Variants in CCDC171 observed in about 807,000 individuals in gnomAD.
The protein encoded by CCDC171 is coiled-coil domain containing 171.
A neutral mutation model predicts 168.2 loss-of-function variants in CCDC171; 177 were observed. The observed-to-expected ratio is 1.05, with a 90% CI of 0.93 to 1.19. The LOEUF (loss-of-function observed/expected upper bound fraction) is 1.19, where lower values mean the gene tolerates loss of function less well. Among genes scored for constraint, CCDC171 ranks in the 50% most tolerant of loss-of-function variants. The pLI, the probability that CCDC171 is intolerant of heterozygous loss-of-function variation, is 0.00. For synonymous variants in CCDC171, 687 were observed against 540.8 expected, an observed-to-expected ratio of 1.27 and a Z score of -3.75; for missense variants, 1,991 against 1,539.0, an observed-to-expected ratio of 1.29 and a Z score of -4.91.
chr9:15,885,046 A>G (rs1819204863), intron 24 of CCDC171, among the ~76,000 whole-genome samples: 1 of 152,184 alleles, frequency 6.6e-6, no homozygotes, highest in African/African-American at 2.4e-5. Context: ...GCCATATACT[A>G]CTATTTAAAT....
chr9:16,046,032 T>A (rs1188776096), intron 1 of CCDC171, among the ~76,000 whole-genome samples: 2 of 152,024 alleles, frequency 1.3e-5, no homozygotes, highest in Non-Finnish European at 2.9e-5. Context: ...GTGACAGAAG[T>A]CTTATTAACC....
intron 16 of CCDC171, among the ~76,000 whole-genome samples, chr9:15,732,033 A>G (rs2054183885): frequency 6.6e-6 from 1 of 152,100 alleles, no homozygotes; most frequent in South Asian, 2.1e-4. Flanking sequence ...CATTTAAAAA[A>G]TAGAGATATT....
intron 7 of CCDC171, among the ~76,000 whole-genome samples, chr9:15,635,688 C>T (rs759383996): frequency 2.6e-5 from 4 of 152,186 alleles, no homozygotes; most frequent in Non-Finnish European, 4.4e-5. Context: ...AGTTGACACT[C>T]GGTATTAACC....
chr9:16,077,787 T>C, the CCDC171 span, among the ~76,000 whole-genome samples: 3 of 152,340 alleles, frequency 2.0e-5, no homozygotes, highest in African/African-American at 7.2e-5. Flanking sequence ...CTGCATTCCC[T>C]GAACAGGGTT....
chr9:15,993,509 A>G (rs1433289850), intron 3 of CCDC171, among the ~76,000 whole-genome samples: 1 of 152,246 alleles, frequency 6.6e-6, no homozygotes, highest in Non-Finnish European at 1.5e-5. Context: ...AAACCTAGGC[A>G]GTACCATTCA....
chr9:15,642,204 A>AGT (rs2046666647), intron 7 of CCDC171, among the ~76,000 whole-genome samples: 2 of 151,632 alleles, frequency 1.3e-5, no homozygotes, highest in African/African-American at 4.9e-5. Flanking sequence ...TATAGTACAT[A>AGT]ATACAGTGTA....
chr9:15,556,425 C>T (rs971416897), intron 1 of CCDC171, among the ~76,000 whole-genome samples: 6 of 152,058 alleles, frequency 3.9e-5, no homozygotes, highest in Non-Finnish European at 8.8e-5. Flanking sequence ...TTTTAATGAT[C>T]GCCATTCTAA....
At position 16,051,513 on chromosome 9, in the gene CCDC171, G is replaced by A. The variant is rs139200428; in HGVS notation, n.89+8627G>A. On this transcript the variant is annotated intron_variant and non_coding_transcript_variant, in intron 1 of 1. Coordinates refer to the CCDC171 transcript ENST00000478913. ...TCTACTTGCCAGCCCCTCCTTAACCGTTGTGGCCCAAACACTCCCTGCTGT... is the reference window on the plus strand; with the variant it reads ...TCTACTTGCCAGCCCCTCCTTAACCATTGTGGCCCAAACACTCCCTGCTGT... 1.7e-3 allele frequency among the ~76,000 whole-genome samples: 264 copies of A among 152,214 alleles called. 2 individuals are homozygous for A. Among genetic ancestry groups the A allele is most frequent in the African/African-American group, 5.9e-3 (247 of 41,530 alleles).
chr9:15,576,083 CTCTG>C (rs2040630479), intron 3 of CCDC171, among the ~76,000 whole-genome samples: 8 of 119,316 alleles, frequency 6.7e-5, no homozygotes, highest in African/African-American at 2.5e-4. Flanking sequence ...CAGAGCGAGA[CTCTG>C]TCTCAAAAAA....
intron 11 of CCDC171, among the ~76,000 whole-genome samples, chr9:15,718,287 T>A (rs541016710): frequency 6.6e-6 from 1 of 152,210 alleles, no homozygotes; most frequent in South Asian, 2.1e-4. Flanking sequence ...GGACTTTGTC[T>A]TGTGCCAGTT....
At chr9:15,857,934 G>GATATAT (rs569030319) in intron 23 of CCDC171, among the ~76,000 whole-genome samples, 195 of 151,168 alleles carry the variant, frequency 1.3e-3, no homozygotes, top group African/African-American at 4.6e-3. Context: ...CTATAGTTTT[G>GATATAT]ATATATATAT....
chr9:15,901,870 A>G (rs1394059456), intron 24 of CCDC171, among the ~76,000 whole-genome samples: 3 of 152,170 alleles, frequency 2.0e-5, no homozygotes, highest in Admixed American at 6.5e-5. Context: ...ATATTAAATT[A>G]TTTTACATAG....
chr9:15,843,764 G>T (rs909647628), intron 21 of CCDC171, among the ~76,000 whole-genome samples: 8 of 152,078 alleles, frequency 5.3e-5, no homozygotes, highest in African/African-American at 1.9e-4. Context: ...GTTGCTTAAA[G>T]GCCTCAAGGC....
intron 1 of CCDC171, among the ~76,000 whole-genome samples, chr9:16,045,821 A>C (rs1405408061): frequency 1.3e-5 from 2 of 152,186 alleles, no homozygotes; most frequent in Non-Finnish European, 2.9e-5. Flanking sequence ...GCTCCCATTA[A>C]CCTGGTGATC....
At chr9:15,980,914 T>G (rs1182424589) in intron 3 of CCDC171, among the ~76,000 whole-genome samples, 4 of 148,558 alleles carry the variant, frequency 2.7e-5, no homozygotes, top group Non-Finnish European at 6.0e-5. Flanking sequence ...GAGGTTTAAC[T>G]GAACCTACAG....
chr9:15,833,688 T>C (rs2060328460), intron 21 of CCDC171, among the ~76,000 whole-genome samples: 1 of 152,266 alleles, frequency 6.6e-6, no homozygotes, highest in South Asian at 2.1e-4. Flanking sequence ...TAAGGGACTA[T>C]GTAAATTTTG....
intron 21 of CCDC171, among the ~76,000 whole-genome samples, chr9:15,839,481 C>T (rs1026302800): frequency 6.6e-6 from 1 of 152,066 alleles, no homozygotes; most frequent in African/African-American, 2.4e-5. Flanking sequence ...AGTTCCATGA[C>T]TTTGGGGAAA....
chr9:16,060,388 C>T (rs1415112989), intron 1 of CCDC171, among the ~76,000 whole-genome samples: 1 of 152,164 alleles, frequency 6.6e-6, no homozygotes, highest in South Asian at 2.1e-4. Context: ...AACTGGCTGA[C>T]GTGTTTATTT....
rs182969654 is a variant in CCDC171, at chr9:15,786,033, A to G, written c.3267+1339A>G. ...AATACACGTGAATTTAAAGAGGAAAATATAGATGTCCTTTACGAAGAGGAA... is the reference window on the plus strand; with the variant it reads ...AATACACGTGAATTTAAAGAGGAAAGTATAGATGTCCTTTACGAAGAGGAA... On this transcript the variant is annotated intron_variant, in intron 21 of 25. Coordinates refer to ENST00000380701, the MANE Select transcript of CCDC171 (RefSeq NM_173550.4). Among the ~76,000 whole-genome samples the G allele has an allele frequency of 1.6e-3, 251 of 152,262 alleles. 1 individual carries two copies. The highest frequency in any genetic ancestry group is 5.1e-3 in the African/African-American group (214 of 41,556).
Sources: allele counts gnomAD v4.1 joint callset (sites outside exome capture counted in the v4.1 genomes callset), GRCh38; gene constraint gnomAD v4.1.1; transcripts MANE v1.5; gene names NCBI Gene and HGNC (gene_info 2026-07-23, HGNC 2026-07-21).